NFATC1: variants seen among roughly 807,000 people sequenced by gnomAD.
NFATC1 encodes nuclear factor of activated T cells 1, also known as nuclear factor of activated T-cells, cytoplasmic 1.
Under a neutral mutation model 76.0 loss-of-function variants are expected in NFATC1, and 22 were observed. The observed-to-expected ratio is 0.29, with a 90% CI of 0.21 to 0.41. NFATC1 has a LOEUF of 0.41. NFATC1 is among the 10% of genes least tolerant of loss of function. NFATC1 has a pLI of 1.00. For synonymous variants in NFATC1, 704 were observed against 613.1 expected (o/e 1.15, Z -2.19); for missense variants, 1,357 against 1,337.7 (o/e 1.01, Z -0.23).
chr18:79,400,461 G>A, intron 1 of NFATC1: 2 of 1,487,120 alleles, frequency 1.3e-6, no homozygotes, highest in South Asian at 1.3e-5. Context: ...CGACGAGGGC[G>A]CCGCCGCGGC....
intron 1 of NFATC1, among the ~76,000 whole-genome samples, chr18:79,399,708 G>A (rs2148123170): frequency 6.6e-6 from 1 of 151,902 alleles, no homozygotes; most frequent in South Asian, 2.1e-4. Flanking sequence ...GCGCAGGGCG[G>A]GTGTTTGGAG....
intron 3 of NFATC1, among the ~76,000 whole-genome samples, chr18:79,442,707 G>A (rs1390832252): frequency 6.6e-6 from 1 of 152,196 alleles, no homozygotes; most frequent in Non-Finnish European, 1.5e-5. Context: ...GTCCCTCCTG[G>A]GGAGCTTCTG....
At chr18:79,461,240 A>T in intron 6 of NFATC1, 71 bp from the exon 7 acceptor site, 2 of 1,571,932 alleles carry the variant, frequency 1.3e-6, no homozygotes, top group East Asian at 4.5e-5. Context: ...GGTCTGGATC[A>T]CGTGGGGGTG....
At chr18:79,522,377 T>TG (rs71161790) in intron 9 of NFATC1, among the ~76,000 whole-genome samples, 14,664 of 40,100 alleles carry the variant, frequency 0.37, 2,734 homozygotes, top group African/African-American at 0.41. Context: ...TCTGTGTGTG[T>TG]GGGGGGGGGT....
chr18:79,478,395 C>G (rs2089159371), intron 8 of NFATC1, among the ~76,000 whole-genome samples: 1 of 152,070 alleles, frequency 6.6e-6, no homozygotes, highest in Admixed American at 6.5e-5. Context: ...AGGATGTGGT[C>G]CGGGCCATTA....
intron 8 of NFATC1, among the ~76,000 whole-genome samples, chr18:79,480,692 A>G (rs2089242249): frequency 1.3e-5 from 2 of 152,182 alleles, no homozygotes; most frequent in Admixed American, 6.5e-5. Flanking sequence ...CGGTTGCCCC[A>G]GCCCCAGCGG....
intron 8 of NFATC1, among the ~76,000 whole-genome samples, chr18:79,472,735 C>T (rs2088836579): frequency 6.6e-6 from 1 of 152,212 alleles, no homozygotes; most frequent in African/African-American, 2.4e-5. Flanking sequence ...GACACCCAGG[C>T]ATGGCTCCCG....
intron 3 of NFATC1, among the ~76,000 whole-genome samples, chr18:79,445,357 T>C (rs2144742897): frequency 6.6e-6 from 1 of 152,334 alleles, no homozygotes; most frequent in Non-Finnish European, 1.5e-5. Flanking sequence ...ACGGGGTCTC[T>C]GATGCCTTCC....
At chr18:79,473,879 G>A (rs962576177) in intron 8 of NFATC1, among the ~76,000 whole-genome samples, 14 of 145,854 alleles carry the variant, frequency 9.6e-5, no homozygotes, top group South Asian at 2.2e-4. Flanking sequence ...TGAGGGAAGC[G>A]TGTTCTCACA....
intron 6 of NFATC1, among the ~76,000 whole-genome samples, chr18:79,456,605 C>T (rs1600773888): frequency 1.3e-5 from 2 of 151,546 alleles, no homozygotes; most frequent in East Asian, 3.9e-4. Flanking sequence ...AGGGTCAGGG[C>T]CCCTGTAAGG....
At chr18:79,525,721 G>C (rs1219870296) in intron 9 of NFATC1, among the ~76,000 whole-genome samples, 1 of 152,222 alleles carries the variant, frequency 6.6e-6, no homozygotes, top group African/African-American at 2.4e-5. Flanking sequence ...CGCTGGCCAG[G>C]GTTGGATGAG....
chr18:79,472,828 C>G (rs977132512), intron 8 of NFATC1, among the ~76,000 whole-genome samples: 1 of 152,256 alleles, frequency 6.6e-6, no homozygotes, highest in Non-Finnish European at 1.5e-5. Context: ...TCGCGGCGCT[C>G]TGGGTTTCAG....
intron 7 of NFATC1, among the ~76,000 whole-genome samples, chr18:79,467,223 G>A (rs1039906841): frequency 6.6e-6 from 1 of 152,202 alleles, no homozygotes; most frequent in Admixed American, 6.5e-5. Context: ...GAGCATCCAG[G>A]GCTGTCATCA....
intron 5 of NFATC1, 69 bp downstream of exon 5, chr18:79,451,195 G>T (rs160191): frequency 1 from 1,519,388 of 1,521,178 alleles, 758,808 homozygotes; most frequent in East Asian, 1. Flanking sequence ...TGTCTCACCC[G>T]CTCTCAGCTT....
In NFATC1 at chr18:79,488,475, CT is replaced by C. The variant is rs367803691; in HGVS notation, c.2782+1539del. ...CACACTGGAGGCCCGTGGCTGCCCCCTGGCCACTCTCTGGAGGTTCATGATG... is the reference window on the plus strand; with the variant it reads ...CACACTGGAGGCCCGTGGCTGCCCCCGGCCACTCTCTGGAGGTTCATGATG... On this transcript the variant is annotated intron_variant, in intron 9 of 9. Transcript: ENST00000427363. 6.3e-4 allele frequency among the ~76,000 whole-genome samples: 95 copies of C among 151,800 alleles called. 2 individuals are homozygous for C. In the East Asian group the frequency reaches 0.016, roughly 26 times the overall value.
At chr18:79,414,758 T>C (rs1350787228) in intron 2 of NFATC1, among the ~76,000 whole-genome samples, 3 of 152,094 alleles carry the variant, frequency 2.0e-5, no homozygotes, top group Non-Finnish European at 4.4e-5. Context: ...AAGGAGTGGT[T>C]TTCTTCCCGC....
intron 3 of NFATC1, among the ~76,000 whole-genome samples, chr18:79,435,283 G>T (rs2086731315): frequency 6.6e-6 from 1 of 152,200 alleles, no homozygotes; most frequent in South Asian, 2.1e-4. Context: ...GTTACTTGGA[G>T]GGTAAAGCAG....
chr18:79,511,471 G>T (rs932844385), intron 9 of NFATC1, among the ~76,000 whole-genome samples: 6 of 152,230 alleles, frequency 3.9e-5, no homozygotes. Context: ...CTCCACGGTG[G>T]CTTCCGTTAA....
intron 1 of NFATC1, among the ~76,000 whole-genome samples, chr18:79,398,830 A>C (rs183257473): frequency 1.6e-4 from 24 of 152,372 alleles, no homozygotes; most frequent in Admixed American, 4.6e-4. Context: ...GCACTTTGGG[A>C]GGCCGAGGCA....
Sources: allele counts gnomAD v4.1 joint callset (sites outside exome capture counted in the v4.1 genomes callset), GRCh38; gene constraint gnomAD v4.1.1; transcripts MANE v1.5; gene names NCBI Gene and HGNC (gene_info 2026-07-23, HGNC 2026-07-21).